Variants in KCNN2 observed in about 807,000 individuals in gnomAD.
The protein encoded by KCNN2 is small conductance calcium-activated potassium channel protein 2.
A neutral mutation model predicts 55.5 loss-of-function variants in KCNN2; 24 were observed. The observed-to-expected ratio is 0.43, with a 90% CI of 0.31 to 0.61. KCNN2 has a LOEUF of 0.61. Ranked by LOEUF, KCNN2 falls within the 20% of genes least tolerant of loss-of-function variation. The pLI, the probability that KCNN2 is intolerant of heterozygous loss-of-function variation, is 0.08. For missense variants in KCNN2, 754 were observed against 853.6 expected, an observed-to-expected ratio of 0.88 and a Z score of 1.45; for synonymous variants, 431 against 336.1, an observed-to-expected ratio of 1.28 and a Z score of -3.09.
chr5:114,284,869 C>A (rs1460081353), intron 2 of KCNN2, among the ~76,000 whole-genome samples: 2 of 152,090 alleles, frequency 1.3e-5, no homozygotes, highest in African/African-American at 4.8e-5. Context: ...CGGGTGAAAT[C>A]TTCCTGTGTG....
chr5:114,192,543 G>A (rs911242346), intron 1 of KCNN2, among the ~76,000 whole-genome samples: 1 of 152,062 alleles, frequency 6.6e-6, no homozygotes, highest in African/African-American at 2.4e-5. Flanking sequence ...GATTAAAGAT[G>A]CCTCAGGGTC....
At chr5:114,292,736 T>C (rs1032777500) in intron 2 of KCNN2, among the ~76,000 whole-genome samples, 3 of 152,224 alleles carry the variant, frequency 2.0e-5, no homozygotes, top group Non-Finnish European at 4.4e-5. Context: ...AAGAAAGTCA[T>C]TGATAGCTTG....
intron 3 of KCNN2, among the ~76,000 whole-genome samples, chr5:114,460,472 G>C (rs183531472): frequency 1.3e-5 from 2 of 152,184 alleles, no homozygotes; most frequent in African/African-American, 2.4e-5. Flanking sequence ...CCGAACTCCT[G>C]ACCTCAGGAG....
chr5:114,363,050 G>T lies in KCNN2; in HGVS notation c.911G>T (p.Gly304Val). 1 of 1,607,594 alleles carries T rather than the reference G, an allele frequency of 6.2e-7. No homozygotes were observed. Among genetic ancestry groups the T allele is most frequent in the Non-Finnish European group, 8.5e-7 (1 of 1,178,632 alleles). Reference protein sequence around the residue: ...YGTGGGGSTGGGGGGGGSGHG... With the variant: ...YGTGGGGSTGVGGGGGGSGHG... Reference sequence around the variant, plus strand: ...ACCGGCGGCGGAGGCAGCACTGGAGGAGGCGGCGGCGGTGGCGGGAGCGGG... The same window carrying T: ...ACCGGCGGCGGAGGCAGCACTGGAGTAGGCGGCGGCGGTGGCGGGAGCGGG... The change falls in exon 1 of 8, where the codon GGA (glycine) becomes GTA (valine). Residue 304 changes from glycine to valine, a missense_variant. Coordinates refer to ENST00000673685, the MANE Select transcript of KCNN2 (RefSeq NM_021614.4).
intron 2 of KCNN2, among the ~76,000 whole-genome samples, chr5:114,368,992 T>C (rs1757686218): frequency 6.6e-6 from 1 of 152,144 alleles, no homozygotes. Context: ...TTACAAGTAA[T>C]ATTAAAATGA....
At chr5:114,290,280 A>T (rs1042917053) in intron 2 of KCNN2, among the ~76,000 whole-genome samples, 4 of 152,062 alleles carry the variant, frequency 2.6e-5, no homozygotes, top group Admixed American at 1.3e-4. Context: ...TCTAGTTGTT[A>T]TAGGTGTTTT....
chr5:114,140,223 A>C lies in KCNN2; in HGVS notation c.-270-81257A>C, dbSNP rs183155328. ...TTGTCAATAATTTTTAAAATTGTGA[A>C]GAGATCTTGATATTAATATCTTTGA... On this transcript the variant is annotated intron_variant, in intron 1 of 10. Transcript: ENST00000512097. 7.0e-4 allele frequency among the ~76,000 whole-genome samples: 106 copies of C among 152,374 alleles called. 1 individual carries two copies. The highest frequency in any genetic ancestry group is 7.8e-4 in the Admixed American group (12 of 15,298).
chr5:114,192,111 C>CTAA (rs1400872339), intron 1 of KCNN2, among the ~76,000 whole-genome samples: 1 of 152,174 alleles, frequency 6.6e-6, no homozygotes, highest in Non-Finnish European at 1.5e-5. Context: ...GGACATTGTT[C>CTAA]TAATGGACAT....
chr5:114,301,574 ACTGTTTCCAGCTACCCACTCATAT>A (rs895108504), intron 2 of KCNN2, among the ~76,000 whole-genome samples: 2 of 152,068 alleles, frequency 1.3e-5, no homozygotes, highest in African/African-American at 4.8e-5. Context: ...GGAGGTGGGA[ACTGTTTCCAGCTACCCACTCATAT>A]CTGCACTGAG....
chr5:114,419,193 A>G (rs1208646189), intron 3 of KCNN2, among the ~76,000 whole-genome samples: 5 of 152,264 alleles, frequency 3.3e-5, no homozygotes, highest in Non-Finnish European at 7.3e-5. Context: ...GGGGTTGGTA[A>G]ACCATGGCCC....
In KCNN2 at chr5:114,284,919, T is replaced by C. The variant is rs1755704771; in HGVS notation, c.-185+63354T>C. Among the ~76,000 whole-genome samples the C allele has an allele frequency of 2.0e-5, 3 of 152,018 alleles. 1 individual carries two copies. The highest frequency in any genetic ancestry group is 2.0e-4 in the Admixed American group (3 of 15,260). The stretch of plus-strand genomic sequence containing the variant: ...AGACAAACTTTCCAGCCTCTAGAGC[T>C]GTGAAAAAAATAAATTTCTGTTGTT... On this transcript the variant is annotated intron_variant, in intron 2 of 10. Coordinates refer to the KCNN2 transcript ENST00000512097.
chr5:114,308,614 C>A (rs565432526), intron 2 of KCNN2, among the ~76,000 whole-genome samples: 3 of 152,248 alleles, frequency 2.0e-5, no homozygotes, highest in African/African-American at 7.2e-5. Flanking sequence ...GGTTGAGATA[C>A]TGTCATAGCA....
At chr5:114,185,418 A>G (rs1307328842) in intron 1 of KCNN2, among the ~76,000 whole-genome samples, 3 of 152,242 alleles carry the variant, frequency 2.0e-5, no homozygotes, top group African/African-American at 7.2e-5. Context: ...AACTCCAACC[A>G]GCCTGCCCAC....
intron 2 of KCNN2, among the ~76,000 whole-genome samples, chr5:114,398,107 C>T (rs997053521): frequency 5.9e-5 from 9 of 152,024 alleles, no homozygotes; most frequent in South Asian, 4.1e-4. Context: ...TTTTCTAGGT[C>T]GTATGTCCAG....
chr5:114,097,416 G>A (rs1360669918), intron 1 of KCNN2, among the ~76,000 whole-genome samples: 1 of 152,162 alleles, frequency 6.6e-6, no homozygotes, highest in Non-Finnish European at 1.5e-5. Context: ...TCCTGTAGTT[G>A]ATGGTCACTA....
chr5:114,229,262 C>G (rs985442954), intron 2 of KCNN2, among the ~76,000 whole-genome samples: 3 of 151,188 alleles, frequency 2.0e-5, no homozygotes, highest in Non-Finnish European at 4.4e-5. Flanking sequence ...CTAGCTTATT[C>G]TCTTTTATTA....
At chr5:114,222,504 G>GA (rs1045844447) in intron 2 of KCNN2, among the ~76,000 whole-genome samples, 1 of 152,164 alleles carries the variant, frequency 6.6e-6, no homozygotes, top group Non-Finnish European at 1.5e-5. Flanking sequence ...ATTGATATGT[G>GA]AATGACAGTG....
intron 2 of KCNN2, among the ~76,000 whole-genome samples, chr5:114,246,925 G>A (rs866587177): frequency 5.2e-4 from 79 of 151,814 alleles, no homozygotes; most frequent in African/African-American, 1.8e-3. Context: ...AGAAGGAAAC[G>A]AAGGAAACAA....
intron 2 of KCNN2, among the ~76,000 whole-genome samples, chr5:114,292,579 A>G (rs370963309): frequency 6.6e-6 from 1 of 151,870 alleles, no homozygotes; most frequent in African/African-American, 2.4e-5. Context: ...GTACCATGCT[A>G]TTTTGGTTAC....
Sources: gnomAD v4.1 joint callset for allele counts (sites outside exome capture counted in the v4.1 genomes callset) on GRCh38, gnomAD v4.1.1 for gene constraint, MANE v1.5 for transcripts, NCBI Gene and HGNC (gene_info 2026-07-23, HGNC 2026-07-21) for gene names.